The following RAI1 variants were observed in gnomAD, a reference collection of about 807,000 sequenced individuals.
The protein encoded by RAI1 is retinoic acid induced 1, also known as retinoic acid-induced protein 1.
RAI1 carries 9 observed loss-of-function variants against 123.8 expected under a neutral mutation model. The observed-to-expected ratio is 0.07, with a 90% CI of 0.04 to 0.13. The LOEUF (loss-of-function observed/expected upper bound fraction) is 0.13. Among genes scored for constraint, RAI1 ranks in the 10% least tolerant of loss-of-function variants. RAI1 has a pLI of 1.00. For missense variants in RAI1, 2,256 were observed against 2,545.8 expected, an observed-to-expected ratio of 0.89 and a Z score of 2.45; for synonymous variants, 1,231 against 1,127.3, an observed-to-expected ratio of 1.09 and a Z score of -1.84.
chr17:17,694,908 G>A (rs1256854136), intron 1 of RAI1, among the ~76,000 whole-genome samples: 2 of 152,076 alleles, frequency 1.3e-5, no homozygotes, highest in African/African-American at 4.8e-5. Flanking sequence ...CAGTCCCAGC[G>A]TTGCGGCCGG....
intron 2 of RAI1, among the ~76,000 whole-genome samples, chr17:17,783,003 A>T (rs566966633): frequency 7.1e-6 from 1 of 140,682 alleles, no homozygotes; most frequent in East Asian, 2.2e-4. Context: ...GTGTGCAAGG[A>T]ACAGCTGCTT....
intron 3 of RAI1, among the ~76,000 whole-genome samples, chr17:17,803,060 G>C (rs549865055): frequency 1.3e-5 from 2 of 150,338 alleles, no homozygotes; most frequent in African/African-American, 2.5e-5. Context: ...CTCCAGCCCC[G>C]GGGGGACAGA....
intron 2 of RAI1, among the ~76,000 whole-genome samples, chr17:17,783,939 C>G (rs1022001580): frequency 3.9e-5 from 6 of 152,212 alleles, no homozygotes; most frequent in African/African-American, 1.4e-4. Context: ...GAGCAGAATA[C>G]TCCACCAGCT....
chr17:17,749,511 T>C (rs1036377722), intron 2 of RAI1, among the ~76,000 whole-genome samples: 1 of 152,254 alleles, frequency 6.6e-6, no homozygotes, highest in South Asian at 2.1e-4. Context: ...TGAGAGGCTA[T>C]TAGCATGGCC....
In RAI1 at chr17:17,714,431, C is replaced by G. The variant is rs927558723; in HGVS notation, c.-148-9597C>G. On this transcript the variant is annotated intron_variant, in intron 1 of 5. Transcript: ENST00000353383. This position sits in a 1 kb window ranked among gnomAD's most constrained non-coding sequence, Gnocchi z 4.9. Reference sequence around the variant, plus strand: ...ATCGCTGTGAAATTGGAATTTGATACTAATCCTGGAGATTGAAAACTCAAA... The same window carrying G: ...ATCGCTGTGAAATTGGAATTTGATAGTAATCCTGGAGATTGAAAACTCAAA... Among the ~76,000 whole-genome samples, 4 of 152,204 alleles carry G rather than the reference C, an allele frequency of 2.6e-5. No homozygotes were observed. The highest frequency in any genetic ancestry group is 5.9e-5 in the Non-Finnish European group (4 of 68,040).
chr17:17,706,814 T>C (rs1260677888), intron 1 of RAI1, among the ~76,000 whole-genome samples: 1 of 152,102 alleles, frequency 6.6e-6, no homozygotes, highest in Non-Finnish European at 1.5e-5. Flanking sequence ...AAAAAAGAAT[T>C]GAAACTCCCA....
intron 2 of RAI1, among the ~76,000 whole-genome samples, chr17:17,756,052 T>C (rs576464357): frequency 6.6e-6 from 1 of 152,226 alleles, no homozygotes; most frequent in Non-Finnish European, 1.5e-5. Context: ...CCAGCCTCCA[T>C]GTGGGGTCTG....
Position 17,796,626 on chromosome 17 carries a change from G to A in RAI1, c.3678G>A (p.Ser1226=), listed in dbSNP as rs144290584. ...DRPLHALKRK[S]AFMAPVPTKK... ...CCCTCCATGCGCTCAAAAGGAAGTC[G>A]GCCTTCATGGCGCCGGTCCCCACCA... The change falls in exon 3 of 6, where the codon TCG becomes TCA. Residue 1226 remains serine (S), a synonymous_variant. Transcript: ENST00000353383. This position sits in a 1 kb window ranked among gnomAD's most constrained non-coding sequence, Gnocchi z 5.8. 1.5e-4 allele frequency: 238 copies of A among 1,611,954 alleles called. No individual in the cohort carries two copies. Among genetic ancestry groups the A allele is most frequent in the Non-Finnish European group, 1.8e-4 (215 of 1,179,458 alleles).
chr17:17,787,132 T>C (rs1355434113), intron 2 of RAI1, among the ~76,000 whole-genome samples: 2 of 152,174 alleles, frequency 1.3e-5, no homozygotes, highest in Non-Finnish European at 2.9e-5. Flanking sequence ...CAGGCACTCC[T>C]GGGGCTTGGG....
At chr17:17,723,350 C>A (rs1387785872) in intron 1 of RAI1, among the ~76,000 whole-genome samples, 6 of 102,760 alleles carry the variant, frequency 5.8e-5, no homozygotes, top group Non-Finnish European at 1.2e-4. Flanking sequence ...CCCCCCCCCC[C>A]AAGCCCCGTG....
At chr17:17,728,531 C>T (rs1277169037) in intron 2 of RAI1, among the ~76,000 whole-genome samples, 1 of 152,120 alleles carries the variant, frequency 6.6e-6, no homozygotes, top group South Asian at 2.1e-4. Flanking sequence ...CCACAGCCCA[C>T]GGAGGGGAGC....
At chr17:17,688,825 C>T (rs1048718033) in intron 1 of RAI1, among the ~76,000 whole-genome samples, 2 of 151,990 alleles carry the variant, frequency 1.3e-5, no homozygotes, top group African/African-American at 4.8e-5. Flanking sequence ...GTCTCAAACT[C>T]CTGACCTCAT....
At chr17:17,728,150 C>T (rs986480890) in intron 2 of RAI1, among the ~76,000 whole-genome samples, 1 of 151,960 alleles carries the variant, frequency 6.6e-6, no homozygotes, top group Admixed American at 6.6e-5. Context: ...CGAGCTCGGT[C>T]TTGTGTGTGC....
intron 4 of RAI1, among the ~76,000 whole-genome samples, chr17:17,807,717 C>T (rs1409715464): frequency 6.6e-6 from 1 of 152,236 alleles, no homozygotes; most frequent in Non-Finnish European, 1.5e-5. Flanking sequence ...CTACCCTCAA[C>T]TTCCCTTGGT....
At chr17:17,783,118 A>AG (rs11430043) in intron 2 of RAI1, among the ~76,000 whole-genome samples, 152,298 of 152,300 alleles carry the variant, frequency 1, 76,148 homozygotes, top group Middle Eastern at 1. Flanking sequence ...GGAGGCGGGG[A>AG]CGTCCAGGGC....
At chr17:17,733,114 C>G (rs942323032) in intron 2 of RAI1, among the ~76,000 whole-genome samples, 2 of 152,234 alleles carry the variant, frequency 1.3e-5, no homozygotes, top group African/African-American at 4.8e-5. Context: ...AGTTCCCACT[C>G]ATGTGCCAGC....
Position 17,793,739 on chromosome 17 carries a change from A to G in RAI1, c.791A>G (p.Gln264Arg). ...AGCCTGGCCCCGGGGCAGCGGGTCC[A>G]GAATCTTCATGCCTACCAGTCGGGC... ...SSSLAPGQRV[Q>R]NLHAYQSGRL... The change falls in exon 3 of 6, where the codon CAG becomes CGG. Residue 264 changes from glutamine (Q) to arginine (R), a missense_variant. Gln to Arg is a conservative substitution (Grantham distance 43). Transcript: ENST00000353383. 2 of 1,612,902 alleles carry G rather than the reference A, an allele frequency of 1.2e-6. No homozygotes were observed. The highest frequency in any genetic ancestry group is 1.7e-6 in the Non-Finnish European group (2 of 1,180,000).
At chr17:17,757,092 G>A (rs1478788413) in intron 2 of RAI1, among the ~76,000 whole-genome samples, 1 of 152,184 alleles carries the variant, frequency 6.6e-6, no homozygotes, top group Non-Finnish European at 1.5e-5. Flanking sequence ...GGGAGGGATA[G>A]GGTGGTGTCA....
rs556504169 is a variant in RAI1, at chr17:17,685,363, T to C, written c.-149+3570T>C. Among the ~76,000 whole-genome samples, 21 of 152,302 alleles carry C rather than the reference T, an allele frequency of 1.4e-4. 1 individual carries two copies. In the East Asian group the frequency reaches 3.5e-3, roughly 25 times the overall value. On this transcript the variant is annotated intron_variant, in intron 1 of 5. Transcript: ENST00000353383. The surrounding 1 kb of genome is among the most constrained non-coding windows in gnomAD (Gnocchi z 4.0). ...TGACCACAAGAAGGTCACAGCCCAG[T>C]GGGTGATTGGGACCCAGCTCATAGC...
Sources: gnomAD v4.1 joint callset for allele counts (sites outside exome capture counted in the v4.1 genomes callset) on GRCh38, gnomAD v4.1.1 for gene constraint, Gnocchi (gnomAD v3.1) non-coding constraint, MANE v1.5 for transcripts, NCBI Gene and HGNC (gene_info 2026-07-23, HGNC 2026-07-21) for gene names.